The following MCC variants were observed in gnomAD, a reference collection of about 807,000 sequenced individuals.
MCC encodes MCC regulator of Wnt signaling pathway, also known as colorectal mutant cancer protein.
In MCC, 90 loss-of-function variants were observed where a neutral mutation model predicts 116.2. That is an observed-to-expected ratio of 0.77 (90% confidence interval 0.65 to 0.92). The LOEUF (loss-of-function observed/expected upper bound fraction) is 0.92, where lower values mean the gene tolerates loss of function less well. Among genes scored for constraint, MCC ranks in the 40% least tolerant of loss-of-function variants. MCC has a pLI of 0.00. For missense variants in MCC, 1,516 were observed against 1,312.2 expected, an observed-to-expected ratio of 1.16 and a Z score of -2.40; for synonymous variants, 578 against 510.5, an observed-to-expected ratio of 1.13 and a Z score of -1.78.
chr5:113,113,061 T>C (rs1052873363), intron 6 of MCC, among the ~76,000 whole-genome samples: 1 of 152,226 alleles, frequency 6.6e-6, no homozygotes. Context: ...ATAGCAGGAC[T>C]GGCCATTCAC....
At chr5:113,037,596 G>C (rs949915190) in intron 17 of MCC, among the ~76,000 whole-genome samples, 6 of 152,312 alleles carry the variant, frequency 3.9e-5, no homozygotes, top group East Asian at 1.9e-4. Flanking sequence ...GGGAGGCTTA[G>C]GTGGGAGGAC....
chr5:113,117,816 G>C (rs909462975), intron 6 of MCC, among the ~76,000 whole-genome samples: 22 of 152,208 alleles, frequency 1.4e-4, no homozygotes, highest in African/African-American at 5.3e-4. Flanking sequence ...GGGTCCAAGA[G>C]TGTTGTTTCT....
At chr5:113,383,389 T>C (rs1445697420) in intron 2 of MCC, among the ~76,000 whole-genome samples, 1 of 152,206 alleles carries the variant, frequency 6.6e-6, no homozygotes, top group Non-Finnish European at 1.5e-5. Context: ...AGTGTCTATT[T>C]TGTGTCATGC....
Position 113,054,110 on chromosome 5 carries a change from A to C in MCC, c.2214-151T>G, listed in dbSNP as rs368427287. ...TCAGTTTTCTTCACAGCATAGGAAA[A>C]TGATACCACCTTTTAGGAAAGAATT... On this transcript the variant is annotated intron_variant, in intron 14 of 18. Transcript: ENST00000408903. 513 of 607,540 alleles carry C rather than the reference A, an allele frequency of 8.4e-4. 10 individuals are homozygous for C. The South Asian group carries it at 0.01, about 12-fold the overall frequency. The allele number at this position is 607,540 out of a possible 1,614,324, so 37.6% of individuals were successfully genotyped here.
intron 3 of MCC, among the ~76,000 whole-genome samples, chr5:113,203,569 A>G (rs1298758743): frequency 2.0e-5 from 3 of 152,166 alleles, no homozygotes; most frequent in East Asian, 3.8e-4. Context: ...TATTTACAGA[A>G]GAGTCAAGAT....
intron 3 of MCC, among the ~76,000 whole-genome samples, chr5:113,299,960 T>G (rs1390379541): frequency 1.3e-5 from 2 of 152,140 alleles, no homozygotes; most frequent in Non-Finnish European, 2.9e-5. Context: ...GCAGCAGCAG[T>G]CTTGGGAACA....
intron 5 of MCC, among the ~76,000 whole-genome samples, chr5:113,133,866 A>G (rs1338600428): frequency 1.3e-5 from 2 of 152,036 alleles, no homozygotes; most frequent in African/African-American, 4.8e-5. Flanking sequence ...ATACTTTTTC[A>G]TTTACCTGTT....
In MCC at chr5:113,478,898, G is replaced by A. The variant is rs114324285; in HGVS notation, c.170+9347C>T. On this transcript the variant is annotated intron_variant, in intron 1 of 18. Coordinates refer to ENST00000408903, the MANE Select transcript of MCC (RefSeq NM_001085377.2). ...CCTGTGTTTCTGCATTATCTATCTC[G>A]CATAGCTACTGTGAGCATTACATAA... 3.0e-3 allele frequency among the ~76,000 whole-genome samples: 460 copies of A among 152,142 alleles called. 2 individuals are homozygous for A. The highest frequency in any genetic ancestry group is 0.01 in the African/African-American group (429 of 41,508).
intron 13 of MCC, among the ~76,000 whole-genome samples, chr5:113,067,827 G>A (rs1753730022): frequency 6.6e-6 from 1 of 152,250 alleles, no homozygotes; most frequent in Admixed American, 6.5e-5. Context: ...TGGCCCCACT[G>A]TCAGCCCAGG....
intron 3 of MCC, among the ~76,000 whole-genome samples, chr5:113,154,354 G>C (rs896089608): frequency 6.6e-6 from 1 of 152,226 alleles, no homozygotes; most frequent in East Asian, 1.9e-4. Flanking sequence ...ACTCCGCAGA[G>C]GCTACAACTA....
At chr5:113,400,448 G>A (rs1400253284) in intron 1 of MCC, among the ~76,000 whole-genome samples, 1 of 151,896 alleles carries the variant, frequency 6.6e-6, no homozygotes, top group Non-Finnish European at 1.5e-5. Flanking sequence ...TTAATTTGAT[G>A]TTTCCTATTG....
chr5:113,252,124 C>A (rs1581319992), intron 3 of MCC, among the ~76,000 whole-genome samples: 1 of 152,166 alleles, frequency 6.6e-6, no homozygotes, highest in East Asian at 1.9e-4. Context: ...TAACCAGTGG[C>A]TAGATCCTGT....
intron 1 of MCC, chr5:113,433,866 T>C: frequency 1.2e-6 from 2 of 1,614,036 alleles, no homozygotes; most frequent in Non-Finnish European, 1.7e-6. Flanking sequence ...GGGTTTTGTC[T>C]CAGGCTGTGC....
chr5:113,381,369 A>C (rs904475907), intron 2 of MCC, among the ~76,000 whole-genome samples: 17 of 152,208 alleles, frequency 1.1e-4, no homozygotes, highest in Admixed American at 3.3e-4. Flanking sequence ...CACTGCATTA[A>C]GGTTGGAAGT....
intron 3 of MCC, among the ~76,000 whole-genome samples, chr5:113,304,157 C>T (rs1766926633): frequency 6.6e-6 from 1 of 152,196 alleles, no homozygotes; most frequent in Non-Finnish European, 1.5e-5. Context: ...AAACTGCTCA[C>T]TGAAGTCTGT....
At chr5:113,148,791 A>C (rs79497547) in intron 4 of MCC, among the ~76,000 whole-genome samples, 6,548 of 152,278 alleles carry the variant, frequency 0.043, 228 homozygotes, top group East Asian at 0.12. Context: ...CAGTGAGAAG[A>C]GCAGAGAGTA....
chr5:113,080,815 C>CAA (rs1236332931), intron 11 of MCC, among the ~76,000 whole-genome samples: 400 of 110,714 alleles, frequency 3.6e-3, no homozygotes, highest in Non-Finnish European at 5.0e-3. Context: ...ACAACAACAA[C>CAA]AAAAAAAAAA....
At chr5:113,265,549 G>C (rs747709335) in intron 3 of MCC, among the ~76,000 whole-genome samples, 13 of 151,948 alleles carry the variant, frequency 8.6e-5, no homozygotes, top group Non-Finnish European at 1.8e-4. Flanking sequence ...ACTATATTAG[G>C]GTACCTTTGG....
chr5:113,447,236 T>C (rs1167494964), intron 1 of MCC, among the ~76,000 whole-genome samples: 1 of 152,212 alleles, frequency 6.6e-6, no homozygotes, highest in Non-Finnish European at 1.5e-5. Flanking sequence ...CTTTTTCAAA[T>C]GTAAGTCCTG....
Sources: gnomAD v4.1 joint callset for allele counts (sites outside exome capture counted in the v4.1 genomes callset) on GRCh38, gnomAD v4.1.1 for gene constraint, MANE v1.5 for transcripts, NCBI Gene and HGNC (gene_info 2026-07-23, HGNC 2026-07-21) for gene names.